KSR2: variants seen among roughly 807,000 people sequenced by gnomAD.
KSR2 encodes the protein kinase suppressor of ras 2.
Under a neutral mutation model 107.8 loss-of-function variants are expected in KSR2, and 25 were observed. The ratio of observed to expected loss-of-function variants is 0.23; its 90% CI spans 0.17 to 0.32. The LOEUF is 0.32. Among genes scored for constraint, KSR2 ranks in the 10% least tolerant of loss-of-function variants. The probability of loss-of-function intolerance (pLI) is 1.00; values close to 1 mark genes in which losing one functional copy is unlikely to be tolerated. For missense variants in KSR2, 887 were observed against 1,268.9 expected (o/e 0.70, Z 4.57); for synonymous variants, 480 against 507.0 (o/e 0.95, Z 0.71).
chr12:117,853,078 T>C (rs974457205), intron 3 of KSR2, among the ~76,000 whole-genome samples: 2 of 152,124 alleles, frequency 1.3e-5, no homozygotes, highest in South Asian at 2.1e-4. Flanking sequence ...GCTGGGATTA[T>C]AGGTGTGAGC....
At chr12:117,906,599 T>A (rs1894855144) in intron 1 of KSR2, among the ~76,000 whole-genome samples, 1 of 149,730 alleles carries the variant, frequency 6.7e-6, no homozygotes, top group Non-Finnish European at 1.5e-5. Context: ...AGAGCAAAAC[T>A]CCTTCTCAAA....
At chr12:117,596,668 T>C (rs941476100) in intron 5 of KSR2, among the ~76,000 whole-genome samples, 1 of 152,186 alleles carries the variant, frequency 6.6e-6, no homozygotes, top group African/African-American at 2.4e-5. Flanking sequence ...ACCCAAAACA[T>C]TGCTAGATCA....
At chr12:117,553,701 CA>C (rs1003729178) in intron 9 of KSR2, among the ~76,000 whole-genome samples, 7 of 152,148 alleles carry the variant, frequency 4.6e-5, no homozygotes, top group Non-Finnish European at 8.8e-5. Context: ...ACTTGGGTCA[CA>C]GGGGTGGATC....
chr12:117,612,875 T>G (rs1038715545), intron 5 of KSR2, among the ~76,000 whole-genome samples: 6 of 152,164 alleles, frequency 3.9e-5, no homozygotes, highest in African/African-American at 1.4e-4. Context: ...ACCTAATGGT[T>G]TTTTAAGTGG....
At chr12:117,559,327 GT>G (rs1877946794) in intron 7 of KSR2, among the ~76,000 whole-genome samples, 1 of 152,132 alleles carries the variant, frequency 6.6e-6, no homozygotes, top group South Asian at 2.1e-4. Flanking sequence ...CGGACTTCAC[GT>G]TTTAAAAAAT....
intron 5 of KSR2, among the ~76,000 whole-genome samples, chr12:117,614,011 AG>A (rs1413069068): frequency 1.3e-5 from 2 of 152,356 alleles, no homozygotes; most frequent in East Asian, 3.9e-4. Context: ...GTGCTGAGAC[AG>A]TGAAAAGTTC....
At chr12:117,664,300 G>C (rs1433377337) in intron 5 of KSR2, among the ~76,000 whole-genome samples, 1 of 152,150 alleles carries the variant, frequency 6.6e-6, no homozygotes, top group Non-Finnish European at 1.5e-5. Context: ...CTGTCCCCAG[G>C]CGTTACCATC....
At chr12:117,591,000 C>CA (rs1316561655) in intron 5 of KSR2, among the ~76,000 whole-genome samples, 1 of 152,102 alleles carries the variant, frequency 6.6e-6, no homozygotes, top group African/African-American at 2.4e-5. Flanking sequence ...TACGTATAAC[C>CA]ACTTTGTGTC....
intron 3 of KSR2, among the ~76,000 whole-genome samples, chr12:117,846,984 G>T (rs957259473): frequency 2.0e-5 from 3 of 152,232 alleles, no homozygotes; most frequent in African/African-American, 7.2e-5. Context: ...AGCCATTTGC[G>T]CCTAAGCGCG....
chr12:117,762,306 C>G (rs1157845192), intron 3 of KSR2, among the ~76,000 whole-genome samples: 1 of 152,164 alleles, frequency 6.6e-6, no homozygotes, highest in Non-Finnish European at 1.5e-5. Context: ...ATCCTTAGTC[C>G]CTCCCTGACC....
chr12:117,819,293 C>T (rs149729985), intron 3 of KSR2, among the ~76,000 whole-genome samples: 22 of 152,284 alleles, frequency 1.4e-4, no homozygotes, highest in Non-Finnish European at 2.2e-4. Flanking sequence ...GGTATCTACA[C>T]ACCCAGCAGA....
In KSR2 at chr12:117,761,001, T is replaced by G. The variant is rs2136867432; in HGVS notation, c.986+10A>C. 1 of 1,613,070 alleles carries G rather than the reference T, an allele frequency of 6.2e-7. No homozygotes were observed. Among genetic ancestry groups the G allele is most frequent in the Non-Finnish European group, 8.5e-7 (1 of 1,179,624 alleles). On this transcript the variant is annotated intron_variant, in intron 4 of 19. Transcript: ENST00000339824. ...TCGACCGCCCCAGGGCACCCACCGA[T>G]CGCACTCACTTGGGCGTGTGGGCCT...
At chr12:117,927,832 C>G (rs1895576985) in intron 1 of KSR2, among the ~76,000 whole-genome samples, 1 of 152,172 alleles carries the variant, frequency 6.6e-6, no homozygotes, top group African/African-American at 2.4e-5. Context: ...CCTTATTATT[C>G]TGGTAAAATA....
intron 1 of KSR2, among the ~76,000 whole-genome samples, chr12:117,924,798 AT>A (rs1191851791): frequency 2.6e-5 from 4 of 152,174 alleles, no homozygotes. Context: ...ATAGATCCCA[AT>A]TCAAACAAGT....
intron 1 of KSR2, among the ~76,000 whole-genome samples, chr12:117,870,282 C>T (rs191415742): frequency 3.1e-3 from 474 of 152,330 alleles, no homozygotes; most frequent in African/African-American, 0.011. Flanking sequence ...TCCACCTTTC[C>T]TCGCAGGCCT....
intron 6 of KSR2, among the ~76,000 whole-genome samples, chr12:117,580,895 G>A (rs4767571): frequency 0.39 from 59,854 of 151,578 alleles, 13,570 homozygotes; most frequent in East Asian, 0.55. Context: ...AGCCTGGGGC[G>A]TAGCCAATCC....
intron 7 of KSR2, among the ~76,000 whole-genome samples, chr12:117,572,089 G>C (rs950744754): frequency 1.3e-5 from 2 of 152,142 alleles, no homozygotes; most frequent in Non-Finnish European, 2.9e-5. Flanking sequence ...CCCAGTCCCT[G>C]CCTGGTGCAA....
intron 5 of KSR2, among the ~76,000 whole-genome samples, chr12:117,619,448 G>A (rs899444059): frequency 2.0e-5 from 3 of 151,838 alleles, no homozygotes; most frequent in African/African-American, 7.3e-5. Context: ...ACCTATAAGT[G>A]AGAACATGTG....
rs56169273 is a variant in KSR2 at position 117,637,675 on chromosome 12, G to GTTTTTTTTTTTTTTT, written c.1171+29784_1171+29798dup. ...AATGGGACCCAGCAGTCAGTTTTGG[G>GTTTTTTTTTTTTTTT]TTTTTTTTTTTTTTTTTTTTTTTTG... is the stretch of plus-strand genomic sequence containing the variant. On this transcript the variant is annotated intron_variant, in intron 5 of 19. Transcript: ENST00000339824. 6.2e-4 allele frequency among the ~76,000 whole-genome samples: 57 copies of GTTTTTTTTTTTTTTT among 92,096 alleles called. 9 individuals carry two copies. Among genetic ancestry groups the GTTTTTTTTTTTTTTT allele is most frequent in the African/African-American group, 1.4e-3 (34 of 23,758 alleles). The allele number at this position is 92,096 out of a possible 152,430, so 60.4% of individuals were successfully genotyped here.
Sources: gnomAD v4.1 joint callset for allele counts (sites outside exome capture counted in the v4.1 genomes callset) on GRCh38, gnomAD v4.1.1 for gene constraint, MANE v1.5 for transcripts, NCBI Gene and HGNC (gene_info 2026-07-23, HGNC 2026-07-21) for gene names.